MBD2: variants seen among roughly 807,000 people sequenced by gnomAD.
MBD2 encodes methyl-CpG binding domain protein 2, also known as methyl-CpG-binding domain protein 2.
MBD2 carries 9 observed loss-of-function variants against 39.3 expected under a neutral mutation model. The observed-to-expected ratio is 0.23, with a 90% confidence interval of 0.14 to 0.40. The LOEUF (loss-of-function observed/expected upper bound fraction) is 0.40, where lower values mean the gene tolerates loss of function less well. Ranked by LOEUF, MBD2 falls within the 10% of genes least tolerant of loss-of-function variation. MBD2 has a pLI of 1.00. For missense variants in MBD2, 458 were observed against 532.6 expected (o/e 0.86, Z 1.38); for synonymous variants, 233 against 211.1 (o/e 1.10, Z -0.90).
intron 5 of MBD2, among the ~76,000 whole-genome samples, chr18:54,162,127 C>G (rs1346138383): frequency 1.3e-5 from 2 of 152,216 alleles, no homozygotes; most frequent in East Asian, 3.8e-4. Context: ...GAAGGGAACA[C>G]AGTCCGGTGA....
At chr18:54,184,380 C>G (rs1282191900) in intron 3 of MBD2, among the ~76,000 whole-genome samples, 1 of 152,156 alleles carries the variant, frequency 6.6e-6, no homozygotes, top group African/African-American at 2.4e-5. Flanking sequence ...AATCTAATGC[C>G]TAATGATCTG....
chr18:54,222,131 A>G (rs780567078), intron 1 of MBD2, among the ~76,000 whole-genome samples: 37 of 152,282 alleles, frequency 2.4e-4, no homozygotes, highest in Non-Finnish European at 5.0e-4. Flanking sequence ...ACAGAAGGTT[A>G]TGCAGACAGC....
intron 2 of MBD2, among the ~76,000 whole-genome samples, chr18:54,195,268 G>A (rs928140868): frequency 6.6e-6 from 1 of 151,998 alleles, no homozygotes; most frequent in Non-Finnish European, 1.5e-5. Flanking sequence ...TGATATGACA[G>A]TTCAAATTGT....
chr18:54,180,242 A>G (rs1026254552), intron 3 of MBD2, among the ~76,000 whole-genome samples: 3 of 152,158 alleles, frequency 2.0e-5, no homozygotes, highest in African/African-American at 7.2e-5. Flanking sequence ...ATATTATAAA[A>G]ATATTAATTC....
chr18:54,214,009 T>TG (rs1262857740), intron 1 of MBD2, among the ~76,000 whole-genome samples: 6 of 150,916 alleles, frequency 4.0e-5, no homozygotes, highest in Non-Finnish European at 8.9e-5. Context: ...CTTTCTTTTT[T>TG]TTTTTTTTTT....
intron 3 of MBD2, among the ~76,000 whole-genome samples, chr18:54,180,424 T>C (rs906261907): frequency 1.3e-5 from 2 of 152,118 alleles, no homozygotes; most frequent in Non-Finnish European, 2.9e-5. Flanking sequence ...AGGGCATTAC[T>C]TACCCTACCC....
chr18:54,217,437 T>C (rs2086570836), intron 1 of MBD2, among the ~76,000 whole-genome samples: 2 of 152,204 alleles, frequency 1.3e-5, no homozygotes. Context: ...CCTAATCGTT[T>C]CTCACTGGAA....
At chr18:54,164,788 A>G in intron 4 of MBD2, 88 bp from the exon 5 acceptor site, 1 of 1,057,018 alleles carries the variant, frequency 9.5e-7, no homozygotes, top group South Asian at 1.6e-5. Flanking sequence ...ATATTTTTAT[A>G]TTCATTTGGG....
intron 2 of MBD2, among the ~76,000 whole-genome samples, chr18:54,195,062 T>C (rs1238928087): frequency 3.3e-5 from 5 of 152,078 alleles, no homozygotes; most frequent in Admixed American, 6.5e-5. Context: ...TGTACTTCTA[T>C]CACAGGTTAC....
intron 2 of MBD2, among the ~76,000 whole-genome samples, chr18:54,204,700 G>A (rs2086435676): frequency 6.6e-6 from 1 of 152,084 alleles, no homozygotes; most frequent in Non-Finnish European, 1.5e-5. Flanking sequence ...TTGGTCAACA[G>A]GAACTATTTT....
chr18:54,188,946 T>C lies in MBD2; in HGVS notation c.768A>G (p.Val256=). 1 of 1,610,626 alleles carries C rather than the reference T, an allele frequency of 6.2e-7. No individual in the cohort carries two copies. The highest frequency in any genetic ancestry group is 1.3e-5 in the African/African-American group (1 of 75,016). ...TACTAGGATGATTTGTGACTTTGGT[T>C]ACCGGTTGTTTGAAAATTGATGCTG... is the stretch of plus-strand genomic sequence containing the variant. ...RQTASIFKQP[V]TKVTNHPSNK... Residue 256 remains valine (V), a synonymous_variant, in exon 3 of 7, where the codon GTA becomes GTG. Transcript: ENST00000256429.
chr18:54,216,175 T>C (rs1402060610), intron 1 of MBD2, among the ~76,000 whole-genome samples: 2 of 152,142 alleles, frequency 1.3e-5, no homozygotes, highest in African/African-American at 4.8e-5. Context: ...CCAAAAGTCC[T>C]ATAAATCATT....
intron 3 of MBD2, among the ~76,000 whole-genome samples, chr18:54,177,798 A>G (rs1383118662): frequency 1.4e-5 from 2 of 146,478 alleles, no homozygotes; most frequent in African/African-American, 5.0e-5. Context: ...TCTGTAGGAC[A>G]CTAACAGGCA....
chr18:54,195,626 A>G (rs2086359312), intron 2 of MBD2, among the ~76,000 whole-genome samples: 1 of 152,138 alleles, frequency 6.6e-6, no homozygotes, highest in South Asian at 2.1e-4. Flanking sequence ...GCTGCTACAA[A>G]TGCAGCTTTC....
chr18:54,166,996 C>T (rs1338915525), intron 3 of MBD2, among the ~76,000 whole-genome samples: 1 of 152,180 alleles, frequency 6.6e-6, no homozygotes, highest in Non-Finnish European at 1.5e-5. Flanking sequence ...CTACTAGGTG[C>T]TGTGCTCACC....
intron 1 of MBD2, among the ~76,000 whole-genome samples, chr18:54,223,266 G>C (rs1350536035): frequency 6.6e-6 from 1 of 152,196 alleles, no homozygotes; most frequent in African/African-American, 2.4e-5. Context: ...TTTAAAACAG[G>C]ATGTCTCAAC....
chr18:54,210,340 G>A (rs1010516803), intron 1 of MBD2, among the ~76,000 whole-genome samples: 1 of 151,942 alleles, frequency 6.6e-6, no homozygotes, highest in Non-Finnish European at 1.5e-5. Flanking sequence ...CTCAGATTAC[G>A]CTCACTTTAA....
At chr18:54,171,383 C>A (rs629473) in intron 3 of MBD2, among the ~76,000 whole-genome samples, 1 of 151,084 alleles carries the variant, frequency 6.6e-6, no homozygotes, top group Non-Finnish European at 1.5e-5. Context: ...GGTGACAGAG[C>A]AAAACTCCAT....
chr18:54,206,779 A>C (rs79251064), intron 1 of MBD2, among the ~76,000 whole-genome samples: 44,523 of 151,908 alleles, frequency 0.29, 7,581 homozygotes, highest in East Asian at 0.55. Context: ...CAATACAAGA[A>C]AAAACCAGAG....
Sources: allele counts gnomAD v4.1 joint callset (sites outside exome capture counted in the v4.1 genomes callset), GRCh38; gene constraint gnomAD v4.1.1; transcripts MANE v1.5; gene names NCBI Gene and HGNC (gene_info 2026-07-23, HGNC 2026-07-21).